The following XIRP2 variants were observed in gnomAD, a reference collection of about 807,000 sequenced individuals.
The protein encoded by XIRP2 is xin actin-binding repeat-containing protein 2.
Under a neutral mutation model 277.0 loss-of-function variants are expected in XIRP2, and 236 were observed. The observed-to-expected ratio is 0.85, with a 90% CI of 0.77 to 0.95. The LOEUF (loss-of-function observed/expected upper bound fraction) is 0.95, where lower values mean the gene tolerates loss of function less well. Ranked by LOEUF, XIRP2 falls within the 40% of genes least tolerant of loss-of-function variation. The pLI is 0.00. For missense variants in XIRP2, 4,640 were observed against 4,157.5 expected, an observed-to-expected ratio of 1.12 and a Z score of -3.19; for synonymous variants, 1,490 against 1,416.5, an observed-to-expected ratio of 1.05 and a Z score of -1.17.
At chr2:167,208,009 C>A (rs1458398808) in intron 3 of XIRP2, among the ~76,000 whole-genome samples, 1 of 151,952 alleles carries the variant, frequency 6.6e-6, no homozygotes, top group Non-Finnish European at 1.5e-5. Flanking sequence ...TAAATGCATG[C>A]TTTCTATGTT....
intron 1 of XIRP2, among the ~76,000 whole-genome samples, chr2:166,899,163 C>T (rs1469217241): frequency 6.6e-6 from 1 of 152,094 alleles, no homozygotes; most frequent in East Asian, 1.9e-4. Context: ...TTTTGTAACA[C>T]ATCTCAAGTA....
chr2:166,889,328 G>A (rs1478650098), intron 1 of XIRP2, among the ~76,000 whole-genome samples: 3 of 151,880 alleles, frequency 2.0e-5, no homozygotes, highest in Admixed American at 2.0e-4. Context: ...CTCCCCACTC[G>A]CCCCCAGACA....
At chr2:166,937,219 T>A (rs1365133667) in intron 2 of XIRP2, among the ~76,000 whole-genome samples, 1 of 152,206 alleles carries the variant, frequency 6.6e-6, no homozygotes, top group African/African-American at 2.4e-5. Context: ...TGATATTGGC[T>A]GTGGGTTTGT....
intron 2 of XIRP2, among the ~76,000 whole-genome samples, chr2:167,036,439 A>G (rs904141571): frequency 6.6e-6 from 1 of 152,108 alleles, no homozygotes; most frequent in African/African-American, 2.4e-5. Context: ...GCCTCACTGG[A>G]TTTCAGACTT....
At chr2:166,964,887 G>T (rs981095341) in intron 2 of XIRP2, among the ~76,000 whole-genome samples, 5 of 151,638 alleles carry the variant, frequency 3.3e-5, no homozygotes, top group Non-Finnish European at 7.4e-5. Flanking sequence ...GCCTCAGTTT[G>T]TGCTTGTAAC....
In XIRP2 at chr2:167,053,907, C is replaced by CA. The variant is rs577415827; in HGVS notation, c.409-81995dup. On this transcript the variant is annotated intron_variant, in intron 2 of 10. Coordinates refer to ENST00000409195, the MANE Select transcript of XIRP2 (RefSeq NM_152381.6). ...AAGGAGTAAGCTGAGTGAGAAGATG[C>CA]AAAAAAATTGTCACATTTTGAAGAG... Among the ~76,000 whole-genome samples, 3 of 152,082 alleles carry CA rather than the reference C, an allele frequency of 2.0e-5. No individual in the cohort carries two copies. The East Asian group carries it at 5.8e-4, about 29-fold the overall frequency.
At chr2:167,091,209 T>C (rs1270233483) in intron 2 of XIRP2, among the ~76,000 whole-genome samples, 1 of 152,076 alleles carries the variant, frequency 6.6e-6, no homozygotes, top group East Asian at 1.9e-4. Context: ...CTTGGCTTCA[T>C]AGGATGTTTG....
chr2:167,217,448 G>A (rs946313491), intron 4 of XIRP2, among the ~76,000 whole-genome samples: 2 of 152,004 alleles, frequency 1.3e-5, no homozygotes, highest in Non-Finnish European at 2.9e-5. Context: ...TTTTCTGCCT[G>A]TTCTTTGAGG....
chr2:167,012,023 G>C (rs963908575), intron 2 of XIRP2, among the ~76,000 whole-genome samples: 38 of 152,010 alleles, frequency 2.5e-4, no homozygotes, highest in Non-Finnish European at 5.1e-4. Context: ...CAAAAAACCA[G>C]CTGCTGGATT....
At chr2:166,956,716 C>T (rs1205493206) in intron 2 of XIRP2, among the ~76,000 whole-genome samples, 1 of 151,660 alleles carries the variant, frequency 6.6e-6, no homozygotes. Flanking sequence ...GATGGCTGGT[C>T]CTTGAGAGAC....
intron 2 of XIRP2, among the ~76,000 whole-genome samples, chr2:166,983,536 T>A (rs1686927817): frequency 6.6e-6 from 1 of 152,236 alleles, no homozygotes; most frequent in African/African-American, 2.4e-5. Flanking sequence ...CACTTAATTC[T>A]GTTTTCTTCT....
At chr2:167,132,699 G>C (rs1256454936) in intron 2 of XIRP2, among the ~76,000 whole-genome samples, 1 of 152,074 alleles carries the variant, frequency 6.6e-6, no homozygotes, top group African/African-American at 2.4e-5. Flanking sequence ...TCTATCCTCT[G>C]TCCTCCCTCC....
chr2:167,035,227 C>G (rs551765720), intron 2 of XIRP2, among the ~76,000 whole-genome samples: 1 of 152,070 alleles, frequency 6.6e-6, no homozygotes, highest in African/African-American at 2.4e-5. Context: ...AATGTGGAAG[C>G]GACTTTGGAT....
At chr2:167,006,087 C>T (rs777927740) in intron 2 of XIRP2, among the ~76,000 whole-genome samples, 1 of 151,718 alleles carries the variant, frequency 6.6e-6, no homozygotes, top group Non-Finnish European at 1.5e-5. Flanking sequence ...TACTGATTAC[C>T]TTATTCCAGA....
At position 167,258,120 on chromosome 2, in the gene XIRP2, A is replaced by G; in HGVS notation, c.*303A>G. On this transcript the variant is annotated 3_prime_UTR_variant, in exon 11 of 11. Transcript: ENST00000409195. The stretch of plus-strand genomic sequence containing the variant: ...GGTAACAGTGAAGGGCAAAGGAATG[A>G]TTTGAGAAAATTAGGGGAAAGGGGA... 1 of 1,613,212 alleles carries G rather than the reference A, an allele frequency of 6.2e-7. No homozygotes were observed. Among genetic ancestry groups the G allele is most frequent in the Non-Finnish European group, 8.5e-7 (1 of 1,179,558 alleles).
chr2:167,059,332 G>A (rs1689119619), intron 2 of XIRP2, among the ~76,000 whole-genome samples: 1 of 151,022 alleles, frequency 6.6e-6, no homozygotes. Flanking sequence ...TGGGCAGGCT[G>A]GTCTCGAACT....
intron 2 of XIRP2, among the ~76,000 whole-genome samples, chr2:166,999,470 T>C (rs1687308462): frequency 6.6e-6 from 1 of 152,126 alleles, no homozygotes; most frequent in Admixed American, 6.5e-5. Flanking sequence ...TGGTTTCTTT[T>C]CTTTGTGCCA....
chr2:167,079,957 T>C (rs1689683789), intron 2 of XIRP2, among the ~76,000 whole-genome samples: 1 of 152,076 alleles, frequency 6.6e-6, no homozygotes, highest in Admixed American at 6.6e-5. Context: ...TTGTTGTTTT[T>C]CCACTAGTTG....
At chr2:166,921,318 C>T (rs1162828160) in intron 2 of XIRP2, among the ~76,000 whole-genome samples, 1 of 152,052 alleles carries the variant, frequency 6.6e-6, no homozygotes, top group Non-Finnish European at 1.5e-5. Context: ...TACTCTTTTT[C>T]ATTCCCCCCA....
Sources: allele counts gnomAD v4.1 joint callset (sites outside exome capture counted in the v4.1 genomes callset), GRCh38; gene constraint gnomAD v4.1.1; transcripts MANE v1.5; gene names NCBI Gene and HGNC (gene_info 2026-07-23, HGNC 2026-07-21).